The following EFNB2 variants were observed in gnomAD, a reference collection of about 807,000 sequenced individuals.
EFNB2 encodes ephrin B2.
Under a neutral mutation model 32.1 loss-of-function variants are expected in EFNB2, and 5 were observed. The ratio of observed to expected loss-of-function variants is 0.16; its 90% CI spans 0.08 to 0.33. The LOEUF (loss-of-function observed/expected upper bound fraction) is 0.33, where lower values mean the gene tolerates loss of function less well. Among genes scored for constraint, EFNB2 ranks in the 10% least tolerant of loss-of-function variants. The pLI is 1.00. For synonymous variants in EFNB2, 168 were observed against 166.5 expected (o/e 1.01, Z -0.07); for missense variants, 263 against 422.6 (o/e 0.62, Z 3.31).
rs1878407161 is a variant in EFNB2, at chr13:106,491,610, G to A, written c.*1430C>T. The A allele has an allele frequency of 3.3e-5, 5 of 152,502 alleles. No homozygotes were observed. The highest frequency in any genetic ancestry group is 3.3e-4 in the Admixed American group (5 of 15,266). 9.4% of individuals were successfully genotyped at this position (152,502 alleles called of 1,614,324 possible). ...GGACTCTAAGAGGTCTGCCGTATGTGCTTCACCTTGACACAGAGCACCGGG... is the reference window on the plus strand; with the variant it reads ...GGACTCTAAGAGGTCTGCCGTATGTACTTCACCTTGACACAGAGCACCGGG... On this transcript the variant is annotated 3_prime_UTR_variant, in exon 5 of 5. Transcript: ENST00000646441.
At chr13:106,526,493 A>C (rs1452863095) in intron 1 of EFNB2, among the ~76,000 whole-genome samples, 1 of 152,182 alleles carries the variant, frequency 6.6e-6, no homozygotes, top group Admixed American at 6.5e-5. Context: ...ATCACTCTTG[A>C]TCTAGGTCAT....
chr13:106,493,043 G>A lies in EFNB2; in HGVS notation c.999C>T (p.Val333=). 1 of 1,608,260 alleles carries A rather than the reference G, an allele frequency of 6.2e-7. No individual in the cohort carries two copies. The highest frequency in any genetic ancestry group is 8.5e-7 in the Non-Finnish European group (1 of 1,176,672). Residue 333 remains valine, a synonymous_variant, in exon 5 of 5, where the codon GTC becomes GTT. Transcript: ENST00000646441. The surrounding 1 kb of genome is among the most constrained non-coding windows in gnomAD (Gnocchi z 6.1). ...ACAGGTACCACCAGGGTCCCTCTCA[G>A]ACCTTGTAGTAAATGTTCGCCGGGC... is the stretch of plus-strand genomic sequence containing the variant. ...PQSPANIYYK[V]
intron 1 of EFNB2, among the ~76,000 whole-genome samples, chr13:106,527,734 C>T (rs1275074033): frequency 1.3e-5 from 2 of 152,238 alleles, no homozygotes; most frequent in African/African-American, 2.4e-5. Flanking sequence ...ACTCTTTTCA[C>T]TGGTTTGCTA....
At chr13:106,495,065 T>C in intron 3 of EFNB2, 71 bp from the exon 4 acceptor site, 3 of 1,176,054 alleles carry the variant, frequency 2.6e-6, no homozygotes, top group Non-Finnish European at 3.8e-6. Flanking sequence ...GCTGCATATA[T>C]ATTTCAACAG....
chr13:106,525,347 C>A (rs753974380), intron 1 of EFNB2, among the ~76,000 whole-genome samples: 1 of 152,142 alleles, frequency 6.6e-6, no homozygotes, highest in South Asian at 2.1e-4. Context: ...ACTGTCTCTG[C>A]GAAACTGAAT....
rs144052492 is a variant in EFNB2, at chr13:106,493,379, G to A, written c.663C>T (p.Leu221=). 79 of 1,613,990 alleles carry A rather than the reference G, an allele frequency of 4.9e-5. No individual in the cohort carries two copies. Among genetic ancestry groups the A allele is most frequent in the Admixed American group, 3.3e-4 (20 of 60,012 alleles). The change falls in exon 5 of 5, where the codon CTC becomes CTT. Residue 221 remains leucine (L), a synonymous_variant. Coordinates refer to ENST00000646441, the MANE Select transcript of EFNB2 (RefSeq NM_004093.4). This position sits in a 1 kb window ranked among gnomAD's most constrained non-coding sequence, Gnocchi z 6.1. ...NSAGHSGNNI[L]GSEVALFAGI... ...CTGCAAATAAGGCCACTTCGGAACC[G>A]AGGATGTTGTTCCCCGAATGTCCGG...
At chr13:106,531,898 A>G (rs1231149937) in intron 1 of EFNB2, among the ~76,000 whole-genome samples, 1 of 152,186 alleles carries the variant, frequency 6.6e-6, no homozygotes, top group African/African-American at 2.4e-5. Context: ...GCAGAACACC[A>G]TACCAATACA....
rs189128714 is a variant in EFNB2 at position 106,510,893 on chromosome 13, G to A, written c.406+1636C>T. Reference sequence around the variant, plus strand: ...GCACACCTGTAGTCCCAGCTACTTGGGAGGCTGAGGCAGGAGAATCACTTG... The same window carrying A: ...GCACACCTGTAGTCCCAGCTACTTGAGAGGCTGAGGCAGGAGAATCACTTG... On this transcript the variant is annotated intron_variant, in intron 2 of 4. Transcript: ENST00000646441. Among the ~76,000 whole-genome samples, 4 of 152,226 alleles carry A rather than the reference G, an allele frequency of 2.6e-5. No individual in the cohort carries two copies. In the East Asian group the frequency reaches 7.7e-4, roughly 29 times the overall value.
In EFNB2 at chr13:106,512,393, G is replaced by A. The variant is rs866631282; in HGVS notation, c.406+136C>T. On this transcript the variant is annotated intron_variant, in intron 2 of 4. Transcript: ENST00000646441. ...TGAAGTTTTCTTTGAAAAAAAAAAA[G>A]GGGGGGGGGACAATTTTTCCACATA... 453 of 316,958 alleles carry A rather than the reference G, an allele frequency of 1.4e-3. 2 individuals carry two copies. The highest frequency in any genetic ancestry group is 9.5e-3 in the African/African-American group (211 of 22,296). 19.6% of individuals were successfully genotyped at this position (316,958 alleles called of 1,614,324 possible). A position where few individuals can be genotyped will look rare whatever the true frequency, so the allele number is the denominator to read the frequency against.
chr13:106,516,179 AC>A (rs1381439243), intron 1 of EFNB2: 2 of 152,278 alleles, frequency 1.3e-5, no homozygotes, highest in African/African-American at 4.8e-5. Flanking sequence ...CTGAGTCGGT[AC>A]AGGACACACT....
Position 106,529,475 on chromosome 13 carries a change from C to G in EFNB2, c.122+5368G>C, listed in dbSNP as rs1009810950. Among the ~76,000 whole-genome samples, 3 of 152,228 alleles carry G rather than the reference C, an allele frequency of 2.0e-5. No homozygotes were observed. The East Asian group carries it at 5.8e-4, about 29-fold the overall frequency. On this transcript the variant is annotated intron_variant, in intron 1 of 4. Transcript: ENST00000646441. ...TCTACCTTTGCCATATTATCCACCA[C>G]CAATGAGCAAGAACTGAGCAGCTTT...
intron 2 of EFNB2, among the ~76,000 whole-genome samples, chr13:106,499,642 A>G (rs1026701498): frequency 1.3e-5 from 2 of 152,218 alleles, no homozygotes; most frequent in Non-Finnish European, 2.9e-5. Context: ...ACATTTAATC[A>G]TTCAGAGATA....
At chr13:106,533,179 C>A (rs1272522834) in intron 1 of EFNB2, among the ~76,000 whole-genome samples, 1 of 150,728 alleles carries the variant, frequency 6.6e-6, no homozygotes, top group Non-Finnish European at 1.5e-5. Context: ...GGGGGAGGGG[C>A]GAGGCCTGGC....
intron 1 of EFNB2, among the ~76,000 whole-genome samples, chr13:106,527,945 T>C (rs1243181369): frequency 6.6e-6 from 1 of 152,222 alleles, no homozygotes; most frequent in African/African-American, 2.4e-5. Context: ...GCCATAAATA[T>C]GCACCAGTCT....
chr13:106,515,727 G>T (rs1879291392), intron 1 of EFNB2, among the ~76,000 whole-genome samples: 1 of 152,186 alleles, frequency 6.6e-6, no homozygotes, highest in Non-Finnish European at 1.5e-5. Flanking sequence ...GCTTCTCAGT[G>T]GACAGAGTGC....
intron 2 of EFNB2, chr13:106,506,734 T>C (rs761860373): frequency 6.6e-6 from 1 of 152,184 alleles, no homozygotes; most frequent in Non-Finnish European, 1.5e-5. Context: ...CAAAGTTAAC[T>C]CTTAGTTATA....
intron 1 of EFNB2, among the ~76,000 whole-genome samples, chr13:106,533,163 C>G (rs1443778158): frequency 6.6e-6 from 1 of 150,750 alleles, no homozygotes; most frequent in South Asian, 2.1e-4. Context: ...CTGGAGCAGG[C>G]GGCCTGGGGG....
intron 2 of EFNB2, among the ~76,000 whole-genome samples, chr13:106,499,888 G>C (rs1308210146): frequency 1.3e-5 from 2 of 152,146 alleles, no homozygotes; most frequent in Non-Finnish European, 2.9e-5. Flanking sequence ...GTTCCCCCCA[G>C]GGCCTAATTT....
intron 2 of EFNB2, among the ~76,000 whole-genome samples, chr13:106,507,099 C>T (rs1878977975): frequency 6.6e-6 from 1 of 152,148 alleles, no homozygotes; most frequent in South Asian, 2.1e-4. Context: ...TGCTTGAACG[C>T]AGCCATTATG....
Sources: allele counts gnomAD v4.1 joint callset (sites outside exome capture counted in the v4.1 genomes callset), GRCh38; gene constraint gnomAD v4.1.1; non-coding constraint Gnocchi (gnomAD v3.1); transcripts MANE v1.5; gene names NCBI Gene and HGNC (gene_info 2026-07-23, HGNC 2026-07-21).